Variants in SIMC1 observed in about 807,000 individuals in gnomAD.
SIMC1 encodes the protein SUMO-interacting motif-containing protein 1.
Under a neutral mutation model 82.3 loss-of-function variants are expected in SIMC1, and 55 were observed. The observed-to-expected ratio is 0.67, with a 90% CI of 0.54 to 0.84. The LOEUF is 0.84. Among genes scored for constraint, SIMC1 ranks in the 40% least tolerant of loss-of-function variants. The pLI is 0.00. For missense variants in SIMC1, 915 were observed against 1,107.2 expected (o/e 0.83, Z 2.46); for synonymous variants, 353 against 426.3 (o/e 0.83, Z 2.12).
At chr5:176,312,260 G>A (rs1764693608) in intron 4 of SIMC1, among the ~76,000 whole-genome samples, 2 of 152,168 alleles carry the variant, frequency 1.3e-5, no homozygotes, top group South Asian at 4.1e-4. Flanking sequence ...ACAAGGCCAG[G>A]CGCAGCGGCT....
At chr5:176,331,306 C>G (rs553383343) in intron 7 of SIMC1, among the ~76,000 whole-genome samples, 1 of 150,410 alleles carries the variant, frequency 6.6e-6, no homozygotes, top group East Asian at 2.0e-4. Flanking sequence ...GGAGGCGGAG[C>G]TTGCAGTGAG....
At position 176,322,264 on chromosome 5, in the gene SIMC1, C is replaced by G. The variant is rs765746756; in HGVS notation, c.1890-9C>G. On this transcript the variant is annotated splice_polypyrimidine_tract_variant and intron_variant, in intron 5 of 9. Coordinates refer to ENST00000429602, the MANE Select transcript of SIMC1 (RefSeq NM_001308195.2). ...AGAATAAACCTTTTCTTTCTTTTTT[C>G]CATTACAGGGATGTTATCAAGTGGC... 7.8e-6 allele frequency: 12 copies of G among 1,533,298 alleles called. No individual in the cohort carries two copies. Among genetic ancestry groups the G allele is most frequent in the East Asian group, 2.4e-5 (1 of 40,968 alleles). The allele number at this position is 1,533,298 out of a possible 1,614,324, so 95.0% of individuals were successfully genotyped here. A position where few individuals can be genotyped will look rare whatever the true frequency, so the allele number is the denominator to read the frequency against.
At position 176,336,837 on chromosome 5, in the gene SIMC1, C is replaced by A. The variant is rs1449359870; in HGVS notation, c.2289C>A (p.Leu763=). ...TRLPLSLAQA[L]YFLNNSTSLL... ...TGCCTCTGTCTCTGGCCCAGGCCCT[C>A]TACTTTCTGAATAATTCTACGTCAC... is the stretch of plus-strand genomic sequence containing the variant. Residue 763 remains leucine (L), a synonymous_variant, in exon 8 of 10, where the codon CTC becomes CTA. Coordinates refer to ENST00000429602, the MANE Select transcript of SIMC1 (RefSeq NM_001308195.2). 2 of 1,613,876 alleles carry A rather than the reference C, an allele frequency of 1.2e-6. No homozygotes were observed. Among genetic ancestry groups the A allele is most frequent in the African/African-American group, 2.7e-5 (2 of 74,918 alleles).
chr5:176,259,222 T>C (rs1406886236), intron 1 of SIMC1, among the ~76,000 whole-genome samples: 1 of 152,254 alleles, frequency 6.6e-6, no homozygotes, highest in Non-Finnish European at 1.5e-5. Flanking sequence ...ATCCCAGCAC[T>C]TTGGGAGGCT....
At chr5:176,332,056 T>TA (rs1182460394) in intron 7 of SIMC1, among the ~76,000 whole-genome samples, 1 of 152,188 alleles carries the variant, frequency 6.6e-6, no homozygotes, top group Non-Finnish European at 1.5e-5. Flanking sequence ...GAAAAAAGGT[T>TA]ATGTTTATTG....
chr5:176,287,711 A>C (rs1449673582), intron 1 of SIMC1, among the ~76,000 whole-genome samples: 1 of 151,750 alleles, frequency 6.6e-6, no homozygotes, highest in Non-Finnish European at 1.5e-5. Context: ...AAGAATAAAA[A>C]AAGAAAAAAA....
At chr5:176,341,648 C>G (rs1027811034) in intron 9 of SIMC1, among the ~76,000 whole-genome samples, 9 of 152,112 alleles carry the variant, frequency 5.9e-5, no homozygotes, top group African/African-American at 2.2e-4. Flanking sequence ...GTGACTGAGT[C>G]TGAAGGGTGA....
At chr5:176,317,145 A>G (rs1400042654) in intron 5 of SIMC1, among the ~76,000 whole-genome samples, 2 of 152,168 alleles carry the variant, frequency 1.3e-5, no homozygotes, top group Admixed American at 6.5e-5. Context: ...TGGATATTAG[A>G]CTGAGTTGGT....
At position 176,345,337 on chromosome 5, in the gene SIMC1, T is replaced by C. The variant is rs1236984404; in HGVS notation, c.2568T>C (p.Leu856=). 3.1e-6 allele frequency: 5 copies of C among 1,613,978 alleles called. No homozygotes were observed. In the South Asian group the frequency reaches 3.3e-5, roughly 11 times the overall value. Residue 856 remains leucine (L), a synonymous_variant, in exon 10 of 10, where the codon CTT becomes CTC. Transcript: ENST00000429602. ...TGATCCAGATGCTGGGGGAGCCTCT[T>C]GTCCCCCAACTCCAAGACAAAGTGC... The part of the protein sequence containing the change: ...SRLIQMLGEP[L]VPQLQDKVHL...
chr5:176,286,133 CTACTT>C (rs1339198670), intron 1 of SIMC1, among the ~76,000 whole-genome samples: 1 of 152,284 alleles, frequency 6.6e-6, no homozygotes, highest in African/African-American at 2.4e-5. Context: ...TGGAAAAAAA[CTACTT>C]TAAAGTTCAT....
intron 1 of SIMC1, among the ~76,000 whole-genome samples, chr5:176,246,012 G>GTT (rs1182868903): frequency 1.2e-4 from 16 of 139,070 alleles, no homozygotes; most frequent in Non-Finnish European, 9.5e-5. Context: ...ATTTGTCAAG[G>GTT]TTTTTTTTTT....
intron 1 of SIMC1, among the ~76,000 whole-genome samples, chr5:176,272,155 G>A (rs1169418392): frequency 1.7e-5 from 2 of 114,558 alleles, no homozygotes; most frequent in Non-Finnish European, 3.3e-5. Context: ...CCAGTCTGTA[G>A]TGACATCCCA....
chr5:176,293,343 G>T (rs531071944), intron 2 of SIMC1, among the ~76,000 whole-genome samples: 1 of 151,872 alleles, frequency 6.6e-6, no homozygotes, highest in South Asian at 2.1e-4. Flanking sequence ...GCTGAGGCAG[G>T]AGAATGGCAT....
chr5:176,309,710 A>C (rs1764579730), intron 4 of SIMC1, among the ~76,000 whole-genome samples: 1 of 152,146 alleles, frequency 6.6e-6, no homozygotes, highest in African/African-American at 2.4e-5. Context: ...CCAAGATGGG[A>C]GGAGTGCTTG....
At chr5:176,251,594 T>A (rs559573079) in intron 1 of SIMC1, among the ~76,000 whole-genome samples, 1 of 151,998 alleles carries the variant, frequency 6.6e-6, no homozygotes, top group Non-Finnish European at 1.5e-5. Context: ...TTCTTTTTTT[T>A]TTTTTTATTG....
intron 4 of SIMC1, among the ~76,000 whole-genome samples, chr5:176,300,485 A>AT (rs57571889): frequency 0.73 from 109,038 of 148,646 alleles, 40,331 homozygotes; most frequent in Middle Eastern, 0.85. Flanking sequence ...TACTCAGCTA[A>AT]TTTTTTATTA....
intron 4 of SIMC1, among the ~76,000 whole-genome samples, chr5:176,311,992 A>T (rs1459912270): frequency 2.6e-5 from 4 of 152,232 alleles, no homozygotes; most frequent in Non-Finnish European, 5.9e-5. Context: ...CTGTCTATAG[A>T]TGATGGAAAT....
At chr5:176,279,280 C>G (rs1471200449) in intron 1 of SIMC1, among the ~76,000 whole-genome samples, 1 of 152,132 alleles carries the variant, frequency 6.6e-6, no homozygotes, top group Non-Finnish European at 1.5e-5. Context: ...TGTGTATTCT[C>G]TGTAGTATTC....
At chr5:176,331,165 TC>T (rs1765643167) in intron 7 of SIMC1, among the ~76,000 whole-genome samples, 1 of 151,340 alleles carries the variant, frequency 6.6e-6, no homozygotes, top group Non-Finnish European at 1.5e-5. Flanking sequence ...GGTCAGGAGA[TC>T]AATACCATCC....
Sources: allele counts gnomAD v4.1 joint callset (sites outside exome capture counted in the v4.1 genomes callset), GRCh38; gene constraint gnomAD v4.1.1; transcripts MANE v1.5; gene names NCBI Gene and HGNC (gene_info 2026-07-23, HGNC 2026-07-21).